NGLY1: variants seen among roughly 807,000 people sequenced by gnomAD.
NGLY1 encodes peptide-N(4)-(N-acetyl-beta-glucosaminyl)asparagine amidase.
In NGLY1, 68 loss-of-function variants were observed where a neutral mutation model predicts 84.6. The ratio of observed to expected loss-of-function variants is 0.80; its 90% CI spans 0.66 to 0.98. The LOEUF (loss-of-function observed/expected upper bound fraction) is 0.98, where lower values mean the gene tolerates loss of function less well. Among genes scored for constraint, NGLY1 ranks in the 50% least tolerant of loss-of-function variants. The pLI is 0.00. For missense variants in NGLY1, 779 were observed against 770.2 expected, an observed-to-expected ratio of 1.01 and a Z score of -0.14; for synonymous variants, 280 against 275.2, an observed-to-expected ratio of 1.02 and a Z score of -0.17.
chr3:25,762,128 G>A (rs1426157316), intron 3 of NGLY1, among the ~76,000 whole-genome samples: 1 of 151,110 alleles, frequency 6.6e-6, no homozygotes, highest in Non-Finnish European at 1.5e-5. Flanking sequence ...CTTATACATC[G>A]ACATTTTACT....
chr3:25,728,986 G>T, intron 10 of NGLY1, 147 bp downstream of exon 10: 1 of 446,094 alleles, frequency 2.2e-6, no homozygotes, highest in Non-Finnish European at 3.7e-6. Flanking sequence ...ACATATTGGG[G>T]ACAGAATTTT....
At chr3:25,756,665 G>A (rs1468247292) in intron 3 of NGLY1, among the ~76,000 whole-genome samples, 4 of 152,152 alleles carry the variant, frequency 2.6e-5, no homozygotes, top group Admixed American at 6.6e-5. Flanking sequence ...CCACATACAC[G>A]TATGTTTTGA....
chr3:25,784,459 T>A (rs555842104), upstream of NGLY1, among the ~76,000 whole-genome samples: 1 of 152,340 alleles, frequency 6.6e-6, no homozygotes, highest in Admixed American at 6.5e-5. Flanking sequence ...GGTCTTTTAT[T>A]CCTCTTAGAA....
At chr3:25,732,512 T>C (rs774184276) in intron 8 of NGLY1, 29 bp from the exon 9 acceptor site, 2 of 1,593,736 alleles carry the variant, frequency 1.3e-6, no homozygotes, top group Non-Finnish European at 1.7e-6. Context: ...AAAAAAGTTG[T>C]TAAGATTAGG....
intron 4 of NGLY1, among the ~76,000 whole-genome samples, chr3:25,745,647 T>A (rs1706383165): frequency 6.6e-6 from 1 of 152,168 alleles, no homozygotes; most frequent in African/African-American, 2.4e-5. Flanking sequence ...TTCACATCCA[T>A]CTTCTCCCTT....
intron 1 of NGLY1, among the ~76,000 whole-genome samples, chr3:25,788,750 GTTTGT>G (rs1259343230): frequency 2.0e-5 from 3 of 152,324 alleles, no homozygotes; most frequent in African/African-American, 7.2e-5. Flanking sequence ...AACCACATGT[GTTTGT>G]TTTAATTCTT....
chr3:25,773,549 T>C (rs950682714), intron 2 of NGLY1, among the ~76,000 whole-genome samples: 1 of 152,208 alleles, frequency 6.6e-6, no homozygotes. Context: ...CTCTTTAAAT[T>C]TCTTTAAGTT....
At chr3:25,731,442 T>C (rs1015728143) in intron 9 of NGLY1, among the ~76,000 whole-genome samples, 34 of 152,192 alleles carry the variant, frequency 2.2e-4, no homozygotes, top group African/African-American at 7.0e-4. Context: ...AATGAAAAGA[T>C]AGACAATACC....
intron 6 of NGLY1, 148 bp from the exon 7 acceptor site, chr3:25,736,297 A>G: frequency 6.4e-7 from 1 of 1,550,650 alleles, no homozygotes; most frequent in African/African-American, 1.4e-5. Flanking sequence ...GGCACACAGG[A>G]TTTTAGAATA....
chr3:25,748,720 T>C (rs557854975), intron 4 of NGLY1, among the ~76,000 whole-genome samples: 180 of 152,290 alleles, frequency 1.2e-3, no homozygotes, highest in African/African-American at 4.2e-3. Context: ...TCTCTACTCA[T>C]AAAAGTGAGT....
chr3:25,746,950 C>T (rs1433364996), intron 4 of NGLY1, among the ~76,000 whole-genome samples: 1 of 152,224 alleles, frequency 6.6e-6, no homozygotes, highest in African/African-American at 2.4e-5. Context: ...CTGCTTCAGA[C>T]TCCCGAGTAG....
chr3:25,771,589 G>A (rs2125306756), intron 2 of NGLY1, among the ~76,000 whole-genome samples: 1 of 152,108 alleles, frequency 6.6e-6, no homozygotes, highest in South Asian at 2.1e-4. Flanking sequence ...ATTTTGATGG[G>A]AATTGCATTG....
chr3:25,749,503 C>T, intron 4 of NGLY1: 3 of 1,576,080 alleles, frequency 1.9e-6, no homozygotes, highest in Non-Finnish European at 2.6e-6. Context: ...CGCCCTCAGA[C>T]CCCTTGTGAA....
At chr3:25,728,509 G>A (rs865846368) in intron 10 of NGLY1, among the ~76,000 whole-genome samples, 33 of 152,088 alleles carry the variant, frequency 2.2e-4, no homozygotes, top group African/African-American at 6.0e-4. Flanking sequence ...TAAGGAGCAG[G>A]CAGTTTTAAA....
chr3:25,786,917 T>C (rs1432243342), upstream of NGLY1, among the ~76,000 whole-genome samples: 1 of 152,238 alleles, frequency 6.6e-6, no homozygotes, highest in Non-Finnish European at 1.5e-5. Context: ...ATTCATCATG[T>C]ATTTATGAAG....
rs1277565361 is a variant in NGLY1 at position 25,732,318 on chromosome 3, C to T, written c.1425+1G>A. On this transcript the variant is annotated splice_donor_variant, in intron 9 of 11. Coordinates refer to ENST00000280700, the MANE Select transcript of NGLY1 (RefSeq NM_018297.4). LOFTEE classifies it high-confidence loss of function. Reference sequence around the variant, plus strand: ...TCATCATGCTAGAATGAATTAAATACCTGTAGACCCATTTCACCTCGGGCT... The same window carrying T: ...TCATCATGCTAGAATGAATTAAATATCTGTAGACCCATTTCACCTCGGGCT... 1 of 1,612,982 alleles carries T rather than the reference C, an allele frequency of 6.2e-7. No homozygotes were observed. Among genetic ancestry groups the T allele is most frequent in the Non-Finnish European group, 8.5e-7 (1 of 1,179,298 alleles).
At chr3:25,785,428 C>A (rs1559565095), upstream of NGLY1, among the ~76,000 whole-genome samples, 1 of 151,722 alleles carries the variant, frequency 6.6e-6, no homozygotes, top group Non-Finnish European at 1.5e-5. Flanking sequence ...ATTTGGGTTT[C>A]TTTTTCCATT....
Position 25,783,163 on chromosome 3 carries a change from C to A in NGLY1, c.131+97G>T. 1 of 1,170,888 alleles carries A rather than the reference C, an allele frequency of 8.5e-7. No homozygotes were observed. 72.5% of individuals were successfully genotyped at this position (1,170,888 alleles called of 1,614,324 possible). ...TCCCGGTCTGTCCGGGCGTCGCTGC[C>A]CTCTGAAGCTCAGGCCGGACGCCCC... On this transcript the variant is annotated intron_variant, in intron 1 of 11. Transcript: ENST00000280700. This position sits in a 1 kb window ranked among gnomAD's most constrained non-coding sequence, Gnocchi z 4.5.
chr3:25,724,575 C>T (rs1225678679), intron 10 of NGLY1, among the ~76,000 whole-genome samples: 1 of 151,994 alleles, frequency 6.6e-6, no homozygotes, highest in African/African-American at 2.4e-5. Flanking sequence ...TCATGGTTGC[C>T]TATTACATAA....
Sources: allele counts gnomAD v4.1 joint callset (sites outside exome capture counted in the v4.1 genomes callset), GRCh38; gene constraint gnomAD v4.1.1; non-coding constraint Gnocchi (gnomAD v3.1); transcripts MANE v1.5; gene names NCBI Gene and HGNC (gene_info 2026-07-23, HGNC 2026-07-21).